Variants in LRRC4C observed in about 807,000 individuals in gnomAD.
LRRC4C encodes the protein leucine rich repeat containing 4C.
Under a neutral mutation model 33.6 loss-of-function variants are expected in LRRC4C, and 5 were observed. The observed-to-expected ratio is 0.15, with a 90% CI of 0.08 to 0.31. LRRC4C has a LOEUF of 0.31. Ranked by LOEUF, LRRC4C falls within the 10% of genes least tolerant of loss-of-function variation. The probability of loss-of-function intolerance (pLI) is 1.00; values close to 1 mark genes in which losing one functional copy is unlikely to be tolerated. For missense variants in LRRC4C, 560 were observed against 796.7 expected, an observed-to-expected ratio of 0.70 and a Z score of 3.58; for synonymous variants, 329 against 302.0, an observed-to-expected ratio of 1.09 and a Z score of -0.93.
At chr11:40,636,369 T>A (rs896887385) in intron 3 of LRRC4C, among the ~76,000 whole-genome samples, 2 of 152,156 alleles carry the variant, frequency 1.3e-5, no homozygotes, top group African/African-American at 4.8e-5. Context: ...GAACTAAACC[T>A]CTTTTTCAGG....
In LRRC4C at chr11:40,645,025, A is replaced by C. The variant is rs192803753; in HGVS notation, c.-270+3117T>G. 2.1e-3 allele frequency among the ~76,000 whole-genome samples: 326 copies of C among 152,250 alleles called. 2 individuals carry two copies. Among genetic ancestry groups the C allele is most frequent in the African/African-American group, 7.5e-3 (311 of 41,550 alleles). On this transcript the variant is annotated intron_variant, in intron 3 of 6. Coordinates refer to ENST00000528697, the MANE Select transcript of LRRC4C (RefSeq NM_001258419.2). ...TTGAATTAAAAATTCAGTCATCAGC[A>C]ATATGACATCTACATATTTGTATCT...
At chr11:41,018,249 C>T (rs1248430259) in intron 1 of LRRC4C, among the ~76,000 whole-genome samples, 3 of 152,124 alleles carry the variant, frequency 2.0e-5, no homozygotes, top group Non-Finnish European at 2.9e-5. Flanking sequence ...CTTACATTCA[C>T]GTGTTCTAGA....
At chr11:41,199,128 T>C (rs1478343302) in intron 1 of LRRC4C, among the ~76,000 whole-genome samples, 1 of 152,148 alleles carries the variant, frequency 6.6e-6, no homozygotes, top group Non-Finnish European at 1.5e-5. Context: ...TGTGAAAGTA[T>C]ACTAAATTCT....
chr11:41,063,494 G>T (rs911468579), intron 1 of LRRC4C, among the ~76,000 whole-genome samples: 18 of 152,194 alleles, frequency 1.2e-4, no homozygotes, highest in African/African-American at 4.1e-4. Flanking sequence ...AGGCACTATA[G>T]ATAGAAGAGT....
At chr11:40,142,690 G>T (rs1173699596) in intron 5 of LRRC4C, among the ~76,000 whole-genome samples, 1 of 151,834 alleles carries the variant, frequency 6.6e-6, no homozygotes, top group African/African-American at 2.4e-5. Flanking sequence ...ACAGGCCAAT[G>T]AACCTTGGAG....
At chr11:40,803,349 G>A (rs941151985) in intron 2 of LRRC4C, among the ~76,000 whole-genome samples, 26 of 152,132 alleles carry the variant, frequency 1.7e-4, no homozygotes, top group African/African-American at 6.3e-4. Flanking sequence ...GTCCAAACAT[G>A]AGAGCCTGCC....
At chr11:40,477,020 C>A (rs2119179) in intron 3 of LRRC4C, among the ~76,000 whole-genome samples, 18,976 of 152,052 alleles carry the variant, frequency 0.12, 1,272 homozygotes, top group East Asian at 0.15. Flanking sequence ...TAAATTCCAG[C>A]AATAATTCAG....
chr11:41,026,709 C>T (rs1377699544), intron 1 of LRRC4C, among the ~76,000 whole-genome samples: 2 of 151,310 alleles, frequency 1.3e-5, no homozygotes, highest in Non-Finnish European at 1.5e-5. Context: ...CACCATTCAG[C>T]AGCCATCGAC....
chr11:40,729,691 T>C (rs188902784), intron 2 of LRRC4C, among the ~76,000 whole-genome samples: 1 of 152,286 alleles, frequency 6.6e-6, no homozygotes, highest in Admixed American at 6.5e-5. Context: ...CTTATGGACT[T>C]TAAAAATCTC....
At chr11:41,359,341 C>A (rs925716355) in intron 1 of LRRC4C, among the ~76,000 whole-genome samples, 1 of 152,062 alleles carries the variant, frequency 6.6e-6, no homozygotes, top group East Asian at 1.9e-4. Context: ...ATAAACTATG[C>A]GCTTTAGGTG....
chr11:40,819,085 A>G (rs933856306), intron 2 of LRRC4C, among the ~76,000 whole-genome samples: 10 of 152,152 alleles, frequency 6.6e-5, no homozygotes, highest in Admixed American at 6.6e-4. Flanking sequence ...GAGGTATCCA[A>G]TGATACGTAA....
chr11:40,563,536 G>C (rs1044430045), intron 3 of LRRC4C, among the ~76,000 whole-genome samples: 1 of 152,072 alleles, frequency 6.6e-6, no homozygotes, highest in Non-Finnish European at 1.5e-5. Flanking sequence ...GCTAAGTAAG[G>C]GTCAGAGGGT....
intron 1 of LRRC4C, among the ~76,000 whole-genome samples, chr11:41,224,790 G>C (rs1445999926): frequency 6.6e-6 from 1 of 152,132 alleles, no homozygotes; most frequent in Non-Finnish European, 1.5e-5. Flanking sequence ...AATTCTTCTT[G>C]TATGGTGTAC....
At chr11:41,019,898 T>C (rs1325166415) in intron 1 of LRRC4C, among the ~76,000 whole-genome samples, 4 of 152,210 alleles carry the variant, frequency 2.6e-5, no homozygotes, top group Non-Finnish European at 5.9e-5. Flanking sequence ...TTTAAGTTGC[T>C]TGTAAATCCT....
chr11:40,521,770 G>T (rs912296341), intron 3 of LRRC4C, among the ~76,000 whole-genome samples: 2 of 152,084 alleles, frequency 1.3e-5, no homozygotes, highest in African/African-American at 4.8e-5. Flanking sequence ...TTGGGAGGTT[G>T]AGGCAGGAGA....
At chr11:41,165,665 TC>T (rs1430191717) in intron 1 of LRRC4C, among the ~76,000 whole-genome samples, 1 of 152,080 alleles carries the variant, frequency 6.6e-6, no homozygotes, top group Non-Finnish European at 1.5e-5. Flanking sequence ...GCACCATCTC[TC>T]CCCATAATGT....
intron 1 of LRRC4C, among the ~76,000 whole-genome samples, chr11:41,006,785 A>G (rs1423095900): frequency 6.6e-6 from 1 of 152,144 alleles, no homozygotes; most frequent in African/African-American, 2.4e-5. Flanking sequence ...TGTATTTTGC[A>G]ATGTCTTATA....
intron 1 of LRRC4C, among the ~76,000 whole-genome samples, chr11:41,149,816 GA>G (rs1943912771): frequency 6.6e-6 from 1 of 152,094 alleles, no homozygotes; most frequent in Non-Finnish European, 1.5e-5. Flanking sequence ...AGAGTAGTTG[GA>G]AAAGCATCTA....
At chr11:40,333,749 T>C (rs1946469780) in intron 3 of LRRC4C, among the ~76,000 whole-genome samples, 1 of 140,118 alleles carries the variant, frequency 7.1e-6, no homozygotes, top group Non-Finnish European at 1.6e-5. Flanking sequence ...AAAGAATTCA[T>C]AAATACATGG....
Sources: allele counts gnomAD v4.1 joint callset (sites outside exome capture counted in the v4.1 genomes callset), GRCh38; gene constraint gnomAD v4.1.1; transcripts MANE v1.5; gene names NCBI Gene and HGNC (gene_info 2026-07-23, HGNC 2026-07-21).